RIMS4: variants seen among roughly 807,000 people sequenced by gnomAD.
RIMS4 encodes regulating synaptic membrane exocytosis protein 4.
RIMS4 carries 9 observed loss-of-function variants against 29.0 expected under a neutral mutation model. That is an observed-to-expected ratio of 0.31 (90% CI 0.19 to 0.54). RIMS4 has a LOEUF of 0.54. RIMS4 is among the 20% of genes least tolerant of loss of function. RIMS4 has a pLI of 0.94. For synonymous variants in RIMS4, 130 were observed against 152.9 expected, an observed-to-expected ratio of 0.85 and a Z score of 1.10; for missense variants, 193 against 365.7, an observed-to-expected ratio of 0.53 and a Z score of 3.85.
At chr20:44,765,279 T>C (rs994531525) in intron 2 of RIMS4, among the ~76,000 whole-genome samples, 1 of 151,972 alleles carries the variant, frequency 6.6e-6, no homozygotes, top group Non-Finnish European at 1.5e-5. Flanking sequence ...AGCACAGGGA[T>C]TTGCAGGTCA....
intron 1 of RIMS4, among the ~76,000 whole-genome samples, chr20:44,775,192 G>A (rs1394422054): frequency 6.6e-6 from 1 of 152,128 alleles, no homozygotes; most frequent in African/African-American, 2.4e-5. Context: ...GAGCCAGGGA[G>A]AAATGAACAG....
intron 1 of RIMS4, among the ~76,000 whole-genome samples, chr20:44,780,119 G>C (rs1187857853): frequency 3.3e-5 from 5 of 152,162 alleles, no homozygotes; most frequent in Non-Finnish European, 7.4e-5. Context: ...AAGGTCAATG[G>C]TCAACTGCTC....
chr20:44,786,588 C>G (rs1223939807), intron 1 of RIMS4, among the ~76,000 whole-genome samples: 1 of 152,212 alleles, frequency 6.6e-6, no homozygotes, highest in African/African-American at 2.4e-5. Flanking sequence ...GGAAGACAGA[C>G]AGCAAACAGG....
At chr20:44,800,873 A>G (rs752941259) in intron 1 of RIMS4, among the ~76,000 whole-genome samples, 5 of 152,158 alleles carry the variant, frequency 3.3e-5, no homozygotes, top group African/African-American at 4.8e-5. Flanking sequence ...AGTAAACACC[A>G]CATACCTAGA....
intron 2 of RIMS4, among the ~76,000 whole-genome samples, chr20:44,768,728 C>A (rs1241548292): frequency 6.6e-6 from 1 of 152,188 alleles, no homozygotes; most frequent in Non-Finnish European, 1.5e-5. Flanking sequence ...GCTCAGAACA[C>A]CCACCTCAAG....
At chr20:44,760,690 T>TGATCCATTC (rs543170654) in intron 2 of RIMS4, among the ~76,000 whole-genome samples, 217 of 152,238 alleles carry the variant, frequency 1.4e-3, no homozygotes, top group African/African-American at 4.7e-3. Context: ...GGCGTCCATT[T>TGATCCATTC]GATCCATTCA....
Position 44,807,186 on chromosome 20 carries a change from G to A in RIMS4, c.97+2989C>T, listed in dbSNP as rs190135064. Among the ~76,000 whole-genome samples the A allele has an allele frequency of 3.9e-3, 595 of 152,294 alleles. 4 individuals are homozygous for A. Among genetic ancestry groups the A allele is most frequent in the Admixed American group, 8.2e-3 (125 of 15,294 alleles). On this transcript the variant is annotated intron_variant, in intron 1 of 5. Transcript: ENST00000372851. ...CTCAAGAAGTAAGTTCAAAGTGCAC[G>A]AGGGAAGATGCCCCTTGAGAGGAAT...
intron 1 of RIMS4, among the ~76,000 whole-genome samples, chr20:44,789,395 C>T (rs1028159713): frequency 2.6e-5 from 4 of 152,116 alleles, no homozygotes; most frequent in African/African-American, 9.7e-5. Flanking sequence ...CCTCCCAGTT[C>T]ACACCATTCT....
chr20:44,774,912 T>C (rs1214919890), intron 1 of RIMS4, among the ~76,000 whole-genome samples: 1 of 152,024 alleles, frequency 6.6e-6, no homozygotes, highest in Admixed American at 6.6e-5. Context: ...ACTAACTTCC[T>C]CGGAGAACAG....
intron 1 of RIMS4, among the ~76,000 whole-genome samples, chr20:44,802,337 A>G (rs1280979849): frequency 6.6e-6 from 1 of 152,162 alleles, no homozygotes; most frequent in Admixed American, 6.5e-5. Flanking sequence ...AGTATTTACT[A>G]TTATTATGCC....
At chr20:44,784,521 TCC>T (rs2066199258) in intron 1 of RIMS4, among the ~76,000 whole-genome samples, 1 of 152,178 alleles carries the variant, frequency 6.6e-6, no homozygotes, top group South Asian at 2.1e-4. Context: ...AGGCAGCACA[TCC>T]CCTGTTGCTC....
chr20:44,785,627 G>A (rs1287159635), intron 1 of RIMS4, among the ~76,000 whole-genome samples: 1 of 152,126 alleles, frequency 6.6e-6, no homozygotes, highest in African/African-American at 2.4e-5. Flanking sequence ...GAACTCCTGG[G>A]TCTTGTCCCA....
intron 2 of RIMS4, among the ~76,000 whole-genome samples, chr20:44,764,226 CCGTCCATCCATT>C (rs2066103490): frequency 1.3e-5 from 2 of 150,792 alleles, no homozygotes; most frequent in African/African-American, 4.9e-5. Flanking sequence ...ATCCATCCAT[CCGTCCATCCATT>C]CATCCATCCA....
intron 1 of RIMS4, among the ~76,000 whole-genome samples, chr20:44,805,626 T>C (rs575007467): frequency 6.6e-6 from 1 of 152,244 alleles, no homozygotes; most frequent in Non-Finnish European, 1.5e-5. Context: ...GCCAGCCTCC[T>C]TCTAGGGCTG....
intron 2 of RIMS4, among the ~76,000 whole-genome samples, chr20:44,764,229 T>C (rs375833045): frequency 6.6e-6 from 1 of 150,712 alleles, no homozygotes; most frequent in Non-Finnish European, 1.5e-5. Flanking sequence ...CATCCATCCG[T>C]CCATCCATTC....
rs190645298 is a variant in RIMS4, at chr20:44,806,686, G to A, written c.97+3489C>T. Among the ~76,000 whole-genome samples, 13 of 152,278 alleles carry A rather than the reference G, an allele frequency of 8.5e-5. No individual in the cohort carries two copies. The South Asian group carries it at 1.7e-3, about 19-fold the overall frequency. ...AACATGTAGTGAGAGCCTACCTCAT[G>A]CCAGGTACTGTACTAAGACTTCTGC... On this transcript the variant is annotated intron_variant, in intron 1 of 5. Coordinates refer to ENST00000372851, the MANE Select transcript of RIMS4 (RefSeq NM_182970.4).
chr20:44,789,755 A>G (rs1200903682), intron 1 of RIMS4, among the ~76,000 whole-genome samples: 1 of 152,146 alleles, frequency 6.6e-6, no homozygotes, highest in Non-Finnish European at 1.5e-5. Flanking sequence ...TGGTCTTGCT[A>G]TGTTGCCCAG....
intron 1 of RIMS4, among the ~76,000 whole-genome samples, chr20:44,805,569 G>A (rs2066295061): frequency 6.6e-6 from 1 of 152,080 alleles, no homozygotes. Flanking sequence ...CCTCCACGTG[G>A]TCCTGACCAT....
At chr20:44,795,113 A>C (rs1264302627) in intron 1 of RIMS4, among the ~76,000 whole-genome samples, 1 of 152,190 alleles carries the variant, frequency 6.6e-6, no homozygotes, top group African/African-American at 2.4e-5. Flanking sequence ...GCCCCTGCAC[A>C]ACTGCTAATA....
Sources: gnomAD v4.1 joint callset for allele counts (sites outside exome capture counted in the v4.1 genomes callset) on GRCh38, gnomAD v4.1.1 for gene constraint, MANE v1.5 for transcripts, NCBI Gene and HGNC (gene_info 2026-07-23, HGNC 2026-07-21) for gene names.